USH2A: variants seen among roughly 807,000 people sequenced by gnomAD.
The protein encoded by USH2A is usherin.
Under a neutral mutation model 538.9 loss-of-function variants are expected in USH2A, and 443 were observed. The observed-to-expected ratio is 0.82, with a 90% CI of 0.76 to 0.89. USH2A has a LOEUF of 0.89. USH2A is among the 40% of genes least tolerant of loss of function. USH2A has a pLI of 0.00. For synonymous variants in USH2A, 2,413 were observed against 2,273.5 expected (o/e 1.06, Z -1.75); for missense variants, 6,633 against 6,324.8 (o/e 1.05, Z -1.65).
At chr1:215,966,099 G>A (rs1667340624) in intron 36 of USH2A, among the ~76,000 whole-genome samples, 1 of 152,022 alleles carries the variant, frequency 6.6e-6, no homozygotes. Flanking sequence ...TATCCCTAAG[G>A]CACAATCACA....
intron 11 of USH2A, among the ~76,000 whole-genome samples, chr1:216,261,576 G>GA (rs148438532): frequency 0.03 from 4,581 of 151,204 alleles, 242 homozygotes; most frequent in African/African-American, 0.11. Flanking sequence ...ACACCAAAAG[G>GA]AAAAAAAATT....
chr1:216,020,439 G>A (rs1290923832), intron 32 of USH2A, among the ~76,000 whole-genome samples: 2 of 152,140 alleles, frequency 1.3e-5, no homozygotes, highest in African/African-American at 2.4e-5. Flanking sequence ...CCTCAAGACT[G>A]CATGATAAAA....
Position 215,647,610 on chromosome 1 carries a change from G to A in USH2A, c.14703C>T (p.Pro4901=), listed in dbSNP as rs377505152. ...GQKASLGGLQ[P]YTTYKLRVVA... ...CCACTCTCAGCTTGTATGTGGTGTA[G>A]GGCTGGAGACCCCCAAGGCTGGCTT... Residue 4901 remains proline (P), a synonymous_variant, in exon 67 of 72, where the codon CCC becomes CCT. Transcript: ENST00000307340. The A allele has an allele frequency of 8.7e-6, 14 of 1,614,030 alleles. No individual in the cohort carries two copies. The African/African-American group carries it at 1.9e-4, about 22-fold the overall frequency.
intron 37 of USH2A, among the ~76,000 whole-genome samples, chr1:215,948,443 T>TATATATATATAC (rs749886577): frequency 6.8e-6 from 1 of 147,172 alleles, no homozygotes; most frequent in African/African-American, 2.5e-5. Flanking sequence ...TATATATATA[T>TATATATATATAC]ACACACACAC....
In USH2A at chr1:215,998,993, G is replaced by A. The variant is rs757349555; in HGVS notation, c.6551C>T (p.Thr2184Ile). Residue 2184 changes from threonine (T) to isoleucine (I), a missense_variant, in exon 34 of 72, where the codon ACA (threonine) becomes ATA (isoleucine). Thr to Ile is a moderately conservative substitution (Grantham distance 89). Transcript: ENST00000307340. The part of the protein sequence containing the change: ...ERYVLYMSNH[T>I]HDFTIWSVIY... ...GACACTCCAAATTGTAAAATCATGTGTATGGTTTGACATATATAATACATA... is the reference window on the plus strand; with the variant it reads ...GACACTCCAAATTGTAAAATCATGTATATGGTTTGACATATATAATACATA... 6.2e-7 allele frequency: 1 copy of A among 1,612,650 alleles called. No homozygotes were observed. The highest frequency in any genetic ancestry group is 1.1e-5 in the South Asian group (1 of 91,032).
intron 21 of USH2A, among the ~76,000 whole-genome samples, chr1:216,126,567 A>C (rs2033258264): frequency 6.6e-6 from 1 of 151,996 alleles, no homozygotes. Context: ...ACATCTATTC[A>C]ATCTCTATTC....
chr1:216,059,918 T>C (rs763541483), intron 30 of USH2A, among the ~76,000 whole-genome samples: 1 of 152,168 alleles, frequency 6.6e-6, no homozygotes, highest in African/African-American at 2.4e-5. Context: ...TCAGAATCCA[T>C]GTTATCAAGA....
chr1:215,681,018 A>G (rs1658210272), intron 61 of USH2A, among the ~76,000 whole-genome samples: 1 of 152,200 alleles, frequency 6.6e-6, no homozygotes. Flanking sequence ...ATTTGTTAAA[A>G]GCACCATAAG....
At chr1:215,836,493 TATATAA>T (rs1663506776) in intron 47 of USH2A, among the ~76,000 whole-genome samples, 1 of 18,264 alleles carries the variant, frequency 5.5e-5, no homozygotes, top group Non-Finnish European at 9.1e-5. Context: ...ATATATTATA[TATATAA>T]TATATATTAT....
At chr1:216,194,741 G>GT (rs2102456759) in intron 19 of USH2A, among the ~76,000 whole-genome samples, 1 of 152,228 alleles carries the variant, frequency 6.6e-6, no homozygotes, top group South Asian at 2.1e-4. Context: ...AAAATGTCTA[G>GT]TTGACCTCTT....
chr1:215,748,640 T>A (rs1054168774), intron 58 of USH2A, among the ~76,000 whole-genome samples: 9 of 152,190 alleles, frequency 5.9e-5, no homozygotes, highest in Non-Finnish European at 1.3e-4. Flanking sequence ...AAACATGCCA[T>A]CATTCTTGTT....
intron 15 of USH2A, among the ~76,000 whole-genome samples, chr1:216,215,717 A>C (rs895068746): frequency 2.0e-5 from 3 of 152,290 alleles, no homozygotes; most frequent in Non-Finnish European, 4.4e-5. Flanking sequence ...AACTGTGCTC[A>C]GTATGATATA....
At chr1:216,228,286 A>C (rs2035600755) in intron 14 of USH2A, among the ~76,000 whole-genome samples, 1 of 152,164 alleles carries the variant, frequency 6.6e-6, no homozygotes, top group Admixed American at 6.5e-5. Flanking sequence ...GCATCAGTAC[A>C]TGTCAAAGTA....
chr1:216,200,145 A>C (rs745919564), intron 16 of USH2A, 24 bp from the exon 17 acceptor site: 10 of 1,601,904 alleles, frequency 6.2e-6, no homozygotes, highest in African/African-American at 4.0e-5. Flanking sequence ...AAAAAAAAAA[A>C]ACAAAGTTAC....
chr1:216,021,502 A>G (rs1366126545), intron 32 of USH2A, among the ~76,000 whole-genome samples: 2 of 152,100 alleles, frequency 1.3e-5, no homozygotes, highest in Admixed American at 6.6e-5. Flanking sequence ...CTTTTTTATA[A>G]ATTACCCAGT....
chr1:216,092,789 T>C (rs1030300152), intron 22 of USH2A, among the ~76,000 whole-genome samples: 1 of 152,182 alleles, frequency 6.6e-6, no homozygotes, highest in African/African-American at 2.4e-5. Flanking sequence ...TTACATTTTC[T>C]CAGCTAGATC....
At chr1:215,788,576 A>G (rs1426619954) in intron 51 of USH2A, among the ~76,000 whole-genome samples, 1 of 152,214 alleles carries the variant, frequency 6.6e-6, no homozygotes, top group Non-Finnish European at 1.5e-5. Flanking sequence ...ACAAAATGCA[A>G]AAAGAAACCA....
At chr1:216,307,744 G>A (rs2037345000) in intron 9 of USH2A, among the ~76,000 whole-genome samples, 1 of 152,186 alleles carries the variant, frequency 6.6e-6, no homozygotes, top group South Asian at 2.1e-4. Flanking sequence ...GGCTGAGAGA[G>A]TCCACAGGGC....
chr1:216,059,439 T>C lies in USH2A; in HGVS notation c.6049+10662A>G, dbSNP rs115616108. 4.0e-3 allele frequency among the ~76,000 whole-genome samples: 613 copies of C among 152,352 alleles called. 6 individuals are homozygous for C. Among genetic ancestry groups the C allele is most frequent in the African/African-American group, 0.014 (589 of 41,588 alleles). Reference sequence around the variant, plus strand: ...ACCCAAACAATGAGTATCACTTCTTTGTCAATGACTGGGAAACCCTAAAAT... The same window carrying C: ...ACCCAAACAATGAGTATCACTTCTTCGTCAATGACTGGGAAACCCTAAAAT... On this transcript the variant is annotated intron_variant, in intron 30 of 71. Coordinates refer to ENST00000307340, the MANE Select transcript of USH2A (RefSeq NM_206933.4).
Sources: gnomAD v4.1 joint callset for allele counts (sites outside exome capture counted in the v4.1 genomes callset) on GRCh38, gnomAD v4.1.1 for gene constraint, MANE v1.5 for transcripts, NCBI Gene and HGNC (gene_info 2026-07-23, HGNC 2026-07-21) for gene names.